Variants in PRUNE2 observed in about 807,000 individuals in gnomAD.
PRUNE2 encodes the protein protein prune homolog 2.
A neutral mutation model predicts 252.0 loss-of-function variants in PRUNE2; 164 were observed. That is an observed-to-expected ratio of 0.65 (90% CI 0.57 to 0.74). PRUNE2 has a LOEUF of 0.74. PRUNE2 is among the 30% of genes least tolerant of loss of function. The pLI is 0.00. For missense variants in PRUNE2, 3,495 were observed against 3,711.0 expected (o/e 0.94, Z 1.51); for synonymous variants, 1,292 against 1,350.2 (o/e 0.96, Z 0.94).
Position 76,629,278 on chromosome 9 carries a change from G to T in PRUNE2, c.9063C>A (p.Ser3021Arg). 2 of 1,540,438 alleles carry T rather than the reference G, an allele frequency of 1.3e-6. No homozygotes were observed. The highest frequency in any genetic ancestry group is 1.4e-5 in the African/African-American group (1 of 71,918). ...AGCTATTGACATATTTAATTTTACT[G>T]CTGAATTTTGAACTAAAAAAAAAAA... Reference protein sequence around the residue: ...VTRPFISSKFSSKIKYVNSLS... With the variant: ...VTRPFISSKFRSKIKYVNSLS... The change falls in exon 16 of 19, where the codon AGC (serine) becomes AGA (arginine). Residue 3021 changes from serine (S) to arginine (R), a missense_variant. Transcript: ENST00000376718.
chr9:76,719,653 CT>C (rs111370694), intron 6 of PRUNE2, among the ~76,000 whole-genome samples: 12 of 147,944 alleles, frequency 8.1e-5, no homozygotes, highest in East Asian at 2.0e-4. Flanking sequence ...ATATATGTTC[CT>C]TTTTTTTTTC....
rs139235693 is a variant in PRUNE2, at chr9:76,626,529, G to T, written c.9150-2039C>A. On this transcript the variant is annotated intron_variant, in intron 16 of 18. Coordinates refer to ENST00000376718, the MANE Select transcript of PRUNE2 (RefSeq NM_015225.3). ...TGGACATGTGGGCAGCACATGAATG[G>T]TGGTAAATTTCTTTCTCCAGAAAAA... 4.7e-3 allele frequency among the ~76,000 whole-genome samples: 721 copies of T among 152,340 alleles called. 3 individuals carry two copies. The highest frequency in any genetic ancestry group is 0.015 in the African/African-American group (608 of 41,574).
At chr9:76,629,977 T>G (rs762623960) in intron 15 of PRUNE2, among the ~76,000 whole-genome samples, 35 of 152,302 alleles carry the variant, frequency 2.3e-4, no homozygotes, top group Non-Finnish European at 4.6e-4. Flanking sequence ...AGCAGTTAAG[T>G]GTTTACCCAA....
chr9:76,616,149 A>G (rs1829555168), intron 18 of PRUNE2, among the ~76,000 whole-genome samples: 1 of 152,178 alleles, frequency 6.6e-6, no homozygotes, highest in Admixed American at 6.5e-5. Context: ...TTGGAAAGCC[A>G]AAATCATCAT....
At chr9:76,679,791 T>G (rs2043223603) in intron 9 of PRUNE2, among the ~76,000 whole-genome samples, 1 of 152,204 alleles carries the variant, frequency 6.6e-6, no homozygotes, top group Non-Finnish European at 1.5e-5. Context: ...CAAATGATGC[T>G]GGGAAAACAA....
At chr9:76,837,359 T>C (rs949711909) in intron 4 of PRUNE2, among the ~76,000 whole-genome samples, 2 of 151,870 alleles carry the variant, frequency 1.3e-5, no homozygotes, top group Non-Finnish European at 2.9e-5. Context: ...GGAGAATTGC[T>C]TGAACCCGGG....
chr9:76,626,180 CTAAT>C (rs1474072680), intron 16 of PRUNE2, among the ~76,000 whole-genome samples: 4 of 152,180 alleles, frequency 2.6e-5, no homozygotes, highest in Admixed American at 6.5e-5. Context: ...TCAGTATTCA[CTAAT>C]TAAGTGTTTG....
At chr9:76,794,733 G>A (rs969277585) in intron 6 of PRUNE2, among the ~76,000 whole-genome samples, 2 of 151,984 alleles carry the variant, frequency 1.3e-5, no homozygotes, top group Admixed American at 6.6e-5. Flanking sequence ...GTCCGACCTC[G>A]AGCAAAGTTA....
rs549330985 is a variant in PRUNE2 at position 76,717,203 on chromosome 9, G to A, written c.757-3482C>T. ...CTCATCAGCTCTCCAAGCCAGATTC[G>A]ATCTTACTGGCCTTGGGATAATGTC... On this transcript the variant is annotated intron_variant, in intron 6 of 18. Coordinates refer to ENST00000376718, the MANE Select transcript of PRUNE2 (RefSeq NM_015225.3). Among the ~76,000 whole-genome samples, 12 of 152,264 alleles carry A rather than the reference G, an allele frequency of 7.9e-5. No individual in the cohort carries two copies. In the South Asian group the frequency reaches 2.1e-3, roughly 26 times the overall value.
chr9:76,744,516 A>G (rs905161087), intron 6 of PRUNE2, among the ~76,000 whole-genome samples: 35 of 152,272 alleles, frequency 2.3e-4, no homozygotes, highest in African/African-American at 8.2e-4. Flanking sequence ...CCTCTAGTAT[A>G]CACAGCCTTA....
chr9:76,709,635 C>A lies in PRUNE2; in HGVS notation c.2639G>T (p.Gly880Val), dbSNP rs1196450039. 3 of 1,613,886 alleles carry A rather than the reference C, an allele frequency of 1.9e-6. No individual in the cohort carries two copies. Among genetic ancestry groups the A allele is most frequent in the Non-Finnish European group, 2.5e-6 (3 of 1,179,902 alleles). The change falls in exon 8 of 19, where the codon GGA becomes GTA. Residue 880 changes from glycine to valine, a missense_variant. Gly to Val is a moderately radical substitution (Grantham distance 109). Coordinates refer to ENST00000376718, the MANE Select transcript of PRUNE2 (RefSeq NM_015225.3). ...NDSRDHIFAP[G>V]NPSSDLDHTW... ...GTGATCCAGATCAGAACTGGGATTT[C>A]CAGGTGCAAAGATGTGATCCCTGGA... is the stretch of plus-strand genomic sequence containing the variant.
intron 1 of PRUNE2, among the ~76,000 whole-genome samples, chr9:76,858,695 C>T (rs542690364): frequency 3.4e-5 from 5 of 149,114 alleles, no homozygotes; most frequent in African/African-American, 9.9e-5. Flanking sequence ...CACCATGGCA[C>T]GTGTATACCT....
At chr9:76,837,930 C>T (rs1289472539) in intron 4 of PRUNE2, among the ~76,000 whole-genome samples, 3 of 151,778 alleles carry the variant, frequency 2.0e-5, no homozygotes, top group African/African-American at 4.8e-5. Flanking sequence ...TGCCACCACG[C>T]CCAGCTAATT....
At chr9:76,775,579 G>A (rs1177780336) in intron 6 of PRUNE2, among the ~76,000 whole-genome samples, 2 of 152,136 alleles carry the variant, frequency 1.3e-5, no homozygotes, top group African/African-American at 4.8e-5. Flanking sequence ...GGGATTACAG[G>A]TGTGAGCTAC....
chr9:76,673,782 A>C (rs2134003592), intron 9 of PRUNE2, among the ~76,000 whole-genome samples: 1 of 151,020 alleles, frequency 6.6e-6, no homozygotes, highest in East Asian at 1.9e-4. Flanking sequence ...TCCAGCATAT[A>C]AACAGAACCA....
At position 76,612,637 on chromosome 9, in the gene PRUNE2, AG is replaced by A. The variant is rs1235048226; in HGVS notation, c.*1932del. On this transcript the variant is annotated 3_prime_UTR_variant, in exon 19 of 19. Transcript: ENST00000376718. ...TCCAACAAGCCAGATGTTATGAAGGAGGAGATCCAACAGAACATACAATTCA... is the reference window on the plus strand; with the variant it reads ...TCCAACAAGCCAGATGTTATGAAGGAGAGATCCAACAGAACATACAATTCA... The A allele has an allele frequency of 6.6e-6, 1 of 152,214 alleles. No homozygotes were observed. The highest frequency in any genetic ancestry group is 1.5e-5 in the Non-Finnish European group (1 of 68,070). 9.4% of individuals were successfully genotyped at this position (152,214 alleles called of 1,614,324 possible). A position where few individuals can be genotyped will look rare whatever the true frequency, so the allele number is the denominator to read the frequency against.
At chr9:76,831,385 T>A (rs981796918) in intron 4 of PRUNE2, among the ~76,000 whole-genome samples, 1 of 152,104 alleles carries the variant, frequency 6.6e-6, no homozygotes, top group African/African-American at 2.4e-5. Flanking sequence ...AAGAAAAACA[T>A]TGGACAATGT....
At chr9:76,737,030 C>T (rs1387665962) in intron 6 of PRUNE2, 6 of 152,186 alleles carry the variant, frequency 3.9e-5, no homozygotes, top group African/African-American at 7.2e-5. Context: ...AATGGAGAGG[C>T]TACCCCATTT....
intron 6 of PRUNE2, among the ~76,000 whole-genome samples, chr9:76,818,836 T>C (rs2057855135): frequency 6.6e-6 from 1 of 152,240 alleles, no homozygotes; most frequent in Admixed American, 6.5e-5. Flanking sequence ...AAATGACTAC[T>C]GTCACAGTAG....
Sources: gnomAD v4.1 joint callset for allele counts (sites outside exome capture counted in the v4.1 genomes callset) on GRCh38, gnomAD v4.1.1 for gene constraint, MANE v1.5 for transcripts, NCBI Gene and HGNC (gene_info 2026-07-23, HGNC 2026-07-21) for gene names.